CCDC13: variants seen among roughly 807,000 people sequenced by gnomAD.
CCDC13 encodes the protein coiled-coil domain containing 13.
Under a neutral mutation model 87.3 loss-of-function variants are expected in CCDC13, and 70 were observed. The ratio of observed to expected loss-of-function variants is 0.80; its 90% CI spans 0.66 to 0.98. The LOEUF is 0.98. Among genes scored for constraint, CCDC13 ranks in the 50% least tolerant of loss-of-function variants. CCDC13 has a pLI of 0.00. For missense variants in CCDC13, 842 were observed against 892.0 expected, an observed-to-expected ratio of 0.94 and a Z score of 0.71; for synonymous variants, 317 against 360.3, an observed-to-expected ratio of 0.88 and a Z score of 1.36.
chr3:42,713,197 G>T lies in CCDC13; in HGVS notation c.1838C>A (p.Ser613Ter). Residue 613 changes from serine to a stop codon, truncating the protein, a stop_gained, in exon 14 of 16, where the codon TCA becomes TAA. Coordinates refer to ENST00000310232, the MANE Select transcript of CCDC13 (RefSeq NM_144719.4). LOFTEE classifies it high-confidence loss of function. ...CCTGGGAGCTGCTCTCTGGGAGGCT[G>T]ATGCCTTCCCTGGCTCCAGGCGTAT... ...EKIRLEPGKA[S>*]ASQRAAPRTK... 1.2e-6 allele frequency: 2 copies of T among 1,614,172 alleles called. No homozygotes were observed. Among genetic ancestry groups the T allele is most frequent in the South Asian group, 2.2e-5 (2 of 91,080 alleles).
intron 8 of CCDC13, 126 bp downstream of exon 8, chr3:42,742,770 C>A: frequency 8.3e-7 from 1 of 1,201,664 alleles, no homozygotes. Flanking sequence ...GACCCAGGTC[C>A]CCAGGTGTCT....
At chr3:42,735,486 C>T (rs1186808791) in intron 10 of CCDC13, among the ~76,000 whole-genome samples, 2 of 152,046 alleles carry the variant, frequency 1.3e-5, no homozygotes, top group Non-Finnish European at 2.9e-5. Context: ...CAGGTGAGGT[C>T]GAGGGTGACA....
chr3:42,758,183 C>A lies in CCDC13; in HGVS notation c.163G>T (p.Asp55Tyr). The change falls in exon 2 of 16, where the codon GAT becomes TAT. Residue 55 changes from aspartate (D) to tyrosine (Y), a missense_variant. Physicochemically the swap from Asp to Tyr is radical, Grantham distance 160. Coordinates refer to ENST00000310232, the MANE Select transcript of CCDC13 (RefSeq NM_144719.4). ...DDQEEPLEVSDGLSLLHAGEP... is the reference protein window; with the variant it reads ...DDQEEPLEVSYGLSLLHAGEP... ...CCTGCGTGGAGAAGGCTGAGGCCAT[C>A]TGAAACCTCCAAGGGCTCCTCTTGG... The A allele has an allele frequency of 6.2e-7, 1 of 1,614,156 alleles. No individual in the cohort carries two copies. Among genetic ancestry groups the A allele is most frequent in the Non-Finnish European group, 8.5e-7 (1 of 1,180,030 alleles).
intron 1 of CCDC13, among the ~76,000 whole-genome samples, chr3:42,767,829 C>T (rs2125915445): frequency 6.6e-6 from 1 of 152,072 alleles, no homozygotes; most frequent in East Asian, 1.9e-4. Context: ...ACAAAAATTG[C>T]CAGGTGTGGT....
At chr3:42,741,852 C>A (rs1699230346) in intron 8 of CCDC13, among the ~76,000 whole-genome samples, 1 of 152,210 alleles carries the variant, frequency 6.6e-6, no homozygotes, top group African/African-American at 2.4e-5. Context: ...TCACTGTTTC[C>A]CTCCTCACAG....
chr3:42,739,570 G>A, intron 9 of CCDC13, 64 bp downstream of exon 9: 1 of 1,546,358 alleles, frequency 6.5e-7, no homozygotes, highest in Non-Finnish European at 8.8e-7. Flanking sequence ...TCTGGCCATG[G>A]CTGGGGCCCA....
chr3:42,771,162 G>A (rs187842204), intron 1 of CCDC13: 1 of 152,312 alleles, frequency 6.6e-6, no homozygotes, highest in East Asian at 1.9e-4. Flanking sequence ...GAAAAGACAT[G>A]AAAGAAACCT....
chr3:42,704,606 T>A (rs892143572), downstream of CCDC13: 1 of 152,264 alleles, frequency 6.6e-6, no homozygotes, highest in African/African-American at 2.4e-5. Context: ...CTTCCCTGGG[T>A]GACCCACACA....
intron 8 of CCDC13, among the ~76,000 whole-genome samples, chr3:42,742,012 A>C (rs1409076663): frequency 6.6e-6 from 1 of 152,232 alleles, no homozygotes; most frequent in Non-Finnish European, 1.5e-5. Context: ...CAGGGCCACT[A>C]CGTGGGCCTG....
chr3:42,732,908 C>A lies in CCDC13; in HGVS notation c.1574G>T (p.Ser525Ile). 1 of 1,553,980 alleles carries A rather than the reference C, an allele frequency of 6.4e-7. No individual in the cohort carries two copies. Residue 525 changes from serine to isoleucine, a missense_variant, in exon 12 of 16, where the codon AGT becomes ATT. Physicochemically the swap from Ser to Ile is moderately radical, Grantham distance 142. Coordinates refer to ENST00000310232, the MANE Select transcript of CCDC13 (RefSeq NM_144719.4). Reference protein sequence around the residue: ...ESALTRPSLPSPHRTSPRFSD... With the variant: ...ESALTRPSLPIPHRTSPRFSD... ...ATACCTAGGTGAGGTCCTGTGGGGA[C>A]TGGGCAGGGAAGGCCTCGTGAGAGC...
At chr3:42,758,638 G>C (rs1699764175) in intron 1 of CCDC13, among the ~76,000 whole-genome samples, 2 of 152,074 alleles carry the variant, frequency 1.3e-5, no homozygotes, top group Non-Finnish European at 2.9e-5. Flanking sequence ...TAAATCAATG[G>C]TTCTCAACTC....
intron 1 of CCDC13, among the ~76,000 whole-genome samples, chr3:42,769,395 G>A (rs1180997046): frequency 6.6e-6 from 1 of 152,210 alleles, no homozygotes; most frequent in Non-Finnish European, 1.5e-5. Flanking sequence ...ATGCAAAATG[G>A]AAAAGCCACT....
intron 8 of CCDC13, among the ~76,000 whole-genome samples, chr3:42,740,574 A>G (rs1699182028): frequency 6.6e-6 from 1 of 152,220 alleles, no homozygotes; most frequent in African/African-American, 2.4e-5. Flanking sequence ...AATAGTGACA[A>G]ATGCTAATTT....
At chr3:42,725,302 T>C (rs1050934142) in intron 13 of CCDC13, among the ~76,000 whole-genome samples, 1 of 152,212 alleles carries the variant, frequency 6.6e-6, no homozygotes, top group African/African-American at 2.4e-5. Flanking sequence ...TTCAGCCATT[T>C]CTTTTTTAGG....
At chr3:42,770,728 C>T (rs1261082096) in intron 1 of CCDC13, 3 of 152,986 alleles carry the variant, frequency 2.0e-5, no homozygotes, top group Admixed American at 6.5e-5. Flanking sequence ...CCGTGAAGGT[C>T]TGCAGCTTCA....
intron 3 of CCDC13, 89 bp downstream of exon 3, chr3:42,756,977 T>G: frequency 7.6e-7 from 1 of 1,314,038 alleles, no homozygotes; most frequent in Admixed American, 2.0e-5. Context: ...GGCACTCTCT[T>G]GGGAATCTGC....
intron 10 of CCDC13, 56 bp downstream of exon 10, chr3:42,735,651 T>A: frequency 6.4e-7 from 1 of 1,561,438 alleles, no homozygotes; most frequent in Non-Finnish European, 8.8e-7. Flanking sequence ...TGGAAGGAGC[T>A]GGATGGACTT....
Position 42,754,551 on chromosome 3 carries a change from G to A in CCDC13, c.371-1834C>T, listed in dbSNP as rs1699662666. 2.0e-5 allele frequency among the ~76,000 whole-genome samples: 3 copies of A among 152,322 alleles called. No homozygotes were observed. In the South Asian group the frequency reaches 6.2e-4, roughly 32 times the overall value. On this transcript the variant is annotated intron_variant, in intron 3 of 15. Coordinates refer to ENST00000310232, the MANE Select transcript of CCDC13 (RefSeq NM_144719.4). ...GAGGTCTGGTTCTGGTTAAGATGGA[G>A]TAAGCGCACTCTACCCTGTCTCTTT...
intron 13 of CCDC13, among the ~76,000 whole-genome samples, chr3:42,717,443 TAA>T (rs1698459310): frequency 8.5e-6 from 1 of 118,126 alleles, no homozygotes; most frequent in African/African-American, 3.3e-5. Context: ...AAAAAATAAG[TAA>T]AGAGGTTACT....
Sources: allele counts gnomAD v4.1 joint callset (sites outside exome capture counted in the v4.1 genomes callset), GRCh38; gene constraint gnomAD v4.1.1; transcripts MANE v1.5; gene names NCBI Gene and HGNC (gene_info 2026-07-23, HGNC 2026-07-21).